The following SEC63 variants were observed in gnomAD, a reference collection of about 807,000 sequenced individuals.
The protein encoded by SEC63 is translocation protein SEC63 homolog.
SEC63 carries 56 observed loss-of-function variants against 116.2 expected under a neutral mutation model. That is an observed-to-expected ratio of 0.48 (90% CI 0.39 to 0.60). The LOEUF is 0.60. SEC63 is among the 20% of genes least tolerant of loss of function. SEC63 has a pLI of 0.00. For synonymous variants in SEC63, 273 were observed against 294.6 expected (o/e 0.93, Z 0.75); for missense variants, 668 against 900.0 (o/e 0.74, Z 3.30).
At chr6:107,925,409 AG>A (rs1787652650) in intron 2 of SEC63, among the ~76,000 whole-genome samples, 2 of 152,224 alleles carry the variant, frequency 1.3e-5, no homozygotes, top group Non-Finnish European at 2.9e-5. Context: ...TACGGCTCAC[AG>A]GAACTGATTA....
At chr6:107,892,568 A>G (rs1457137883) in intron 16 of SEC63, among the ~76,000 whole-genome samples, 1 of 152,210 alleles carries the variant, frequency 6.6e-6, no homozygotes, top group Admixed American at 6.5e-5. Flanking sequence ...AAAGAGACTA[A>G]TGAAATTGAC....
At chr6:107,942,244 C>G (rs1163233178) in intron 1 of SEC63, among the ~76,000 whole-genome samples, 1 of 152,138 alleles carries the variant, frequency 6.6e-6, no homozygotes, top group African/African-American at 2.4e-5. Context: ...TTTTACAACT[C>G]CTTTCTAAAA....
chr6:107,934,153 A>C (rs1787875899), intron 1 of SEC63, among the ~76,000 whole-genome samples: 1 of 152,102 alleles, frequency 6.6e-6, no homozygotes, highest in Admixed American at 6.5e-5. Context: ...CCCGTCTGGG[A>C]AGTGAGGAGC....
intron 3 of SEC63, among the ~76,000 whole-genome samples, chr6:107,924,263 CAA>C (rs77315968): frequency 8.7e-5 from 7 of 80,838 alleles, no homozygotes; most frequent in Admixed American, 2.9e-4. Context: ...AACTCCGTCT[CAA>C]AAAAAAAAAA....
chr6:107,877,718 A>T (rs937773541), intron 18 of SEC63, among the ~76,000 whole-genome samples: 1 of 152,220 alleles, frequency 6.6e-6, no homozygotes, highest in Non-Finnish European at 1.5e-5. Flanking sequence ...CTAGGATTAC[A>T]GGCATGAGTC....
chr6:107,932,305 A>AC (rs1656421479), intron 1 of SEC63: 2 of 152,232 alleles, frequency 1.3e-5, no homozygotes, highest in Non-Finnish European at 2.9e-5. Context: ...TTAAAAAAAA[A>AC]TCTACAAAAC....
Position 107,870,026 on chromosome 6 carries a change from T to A in SEC63, c.*1678A>T, listed in dbSNP as rs1176338936. 1 of 152,292 alleles carries A rather than the reference T, an allele frequency of 6.6e-6. No individual in the cohort carries two copies. The highest frequency in any genetic ancestry group is 2.4e-5 in the African/African-American group (1 of 41,404). The allele number at this position is 152,292 out of a possible 1,614,324, so 9.4% of individuals were successfully genotyped here. On this transcript the variant is annotated 3_prime_UTR_variant, in exon 21 of 21. Coordinates refer to ENST00000369002, the MANE Select transcript of SEC63 (RefSeq NM_007214.5). ...TGCCACACCTGTTTTCTCTAATCCC[T>A]CCTTTCACTTGACACCAGCTGGCTT...
At chr6:107,884,562 C>A (rs950356261) in intron 16 of SEC63, among the ~76,000 whole-genome samples, 1 of 151,962 alleles carries the variant, frequency 6.6e-6, no homozygotes, top group Non-Finnish European at 1.5e-5. Flanking sequence ...ATAAACTCTG[C>A]GAATAACTCC....
In SEC63 at chr6:107,869,836, T is replaced by C. The variant is rs907715366; in HGVS notation, c.*1868A>G. ...CTAGGTTATCATCCTCTCCAGAATC[T>C]TAAAACCAGAGAAGCCAGCTGTGTG... On this transcript the variant is annotated 3_prime_UTR_variant, in exon 21 of 21. Transcript: ENST00000369002. 6.7e-6 allele frequency: 1 copy of C among 149,408 alleles called. No individual in the cohort carries two copies. The highest frequency in any genetic ancestry group is 2.5e-5 in the African/African-American group (1 of 40,534). 9.3% of individuals were successfully genotyped at this position (149,408 alleles called of 1,614,324 possible). A position where few individuals can be genotyped will look rare whatever the true frequency, so the allele number is the denominator to read the frequency against.
intron 2 of SEC63, 93 bp from the exon 3 acceptor site, chr6:107,925,025 AG>A (rs1787644624): frequency 2.6e-6 from 2 of 761,550 alleles, no homozygotes; most frequent in Non-Finnish European, 4.8e-6. Context: ...ACTCTACAGT[AG>A]TACCATATCA....
intron 13 of SEC63, among the ~76,000 whole-genome samples, chr6:107,900,759 G>C (rs1184454250): frequency 6.6e-6 from 1 of 152,128 alleles, no homozygotes; most frequent in African/African-American, 2.4e-5. Flanking sequence ...AAATGTTAAA[G>C]CTCAGACCAC....
At position 107,893,574 on chromosome 6, in the gene SEC63, T is replaced by C. The variant is rs999479285; in HGVS notation, c.1582A>G (p.Lys528Glu). 6 of 1,596,310 alleles carry C rather than the reference T, an allele frequency of 3.8e-6. No individual in the cohort carries two copies. Among genetic ancestry groups the C allele is most frequent in the Non-Finnish European group, 5.1e-6 (6 of 1,175,464 alleles). Reference sequence around the variant, plus strand: ...GGTTTTTTTTTTAAAGGTTTCTTTTTTTTTGATTTAGCAGTTTTCTTGGGT... The same window carrying C: ...GGTTTTTTTTTTAAAGGTTTCTTTTCTTTTGATTTAGCAGTTTTCTTGGGT... The part of the protein sequence containing the change: ...KGPKKTAKSK[K>E]KKPLKKKPTP... Residue 528 changes from lysine to glutamate, a missense_variant, in exon 16 of 21, where the codon AAA becomes GAA. By Grantham distance (56) the Lys-to-Glu change is moderately conservative. This residue lies in a region of SEC63 where 430 missense variants were observed against 557.5 expected (regional missense o/e 0.77). Transcript: ENST00000369002.
At chr6:107,882,965 T>C (rs1786445738) in intron 17 of SEC63, 23 bp downstream of exon 17, 2 of 1,455,886 alleles carry the variant, frequency 1.4e-6, no homozygotes, top group African/African-American at 1.4e-5. Context: ...ATTATTTAAA[T>C]TATTTAAACC....
At chr6:107,925,333 G>A (rs1009576982) in intron 2 of SEC63, among the ~76,000 whole-genome samples, 2 of 152,058 alleles carry the variant, frequency 1.3e-5, no homozygotes, top group African/African-American at 4.8e-5. Flanking sequence ...AAAACAATTG[G>A]TCAATTGTGC....
At chr6:107,929,883 A>G (rs1479773889) in intron 1 of SEC63, among the ~76,000 whole-genome samples, 2 of 152,236 alleles carry the variant, frequency 1.3e-5, no homozygotes, top group Non-Finnish European at 2.9e-5. Flanking sequence ...TAGTTAAAAC[A>G]TGGTTTATTA....
chr6:107,881,217 T>C lies in SEC63; in HGVS notation c.1867A>G (p.Lys623Glu), dbSNP rs373091152. The change falls in exon 18 of 21, where the codon AAA becomes GAA. Residue 623 changes from lysine to glutamate, a missense_variant. Around this residue, in one of 5 missense-constraint regions of SEC63, gnomAD observed 430 missense variants for 557.5 expected, o/e 0.77. Transcript: ENST00000369002. ...WQELQQSIQR[K>E]ERALLETKSK... ...TTGGTTTCCAATAGAGCTCTCTCTT[T>C]TCGCTGTATGCTTTGTTGTAATTCT... The C allele has an allele frequency of 1.2e-6, 2 of 1,613,108 alleles. No homozygotes were observed. The highest frequency in any genetic ancestry group is 1.7e-6 in the Non-Finnish European group (2 of 1,179,612).
chr6:107,883,826 G>T (rs1214621750), intron 16 of SEC63, among the ~76,000 whole-genome samples: 2 of 150,528 alleles, frequency 1.3e-5, no homozygotes. Context: ...AAGAAATAAA[G>T]AAAAGTACTC....
chr6:107,878,511 C>G (rs1350193554), intron 18 of SEC63, among the ~76,000 whole-genome samples: 3 of 152,154 alleles, frequency 2.0e-5, no homozygotes, highest in Non-Finnish European at 4.4e-5. Flanking sequence ...TTAGAGAATG[C>G]CTTTCCCTCC....
intron 16 of SEC63, among the ~76,000 whole-genome samples, chr6:107,889,051 C>CT (rs1028968518): frequency 9.2e-5 from 14 of 152,078 alleles, no homozygotes; most frequent in African/African-American, 2.7e-4. Flanking sequence ...CTGAAATTTT[C>CT]TTTTTTTGTT....
Sources: allele counts gnomAD v4.1 joint callset (sites outside exome capture counted in the v4.1 genomes callset), GRCh38; gene constraint gnomAD v4.1.1; regional missense constraint gnomAD v4.1.1; transcripts MANE v1.5; gene names NCBI Gene and HGNC (gene_info 2026-07-23, HGNC 2026-07-21).